Variants in GARIN5A observed in about 807,000 individuals in gnomAD.
GARIN5A encodes the protein golgi associated RAB2 interactor 5A.
chr19:50,472,376 G>T, the GARIN5A span, among the ~76,000 whole-genome samples: 1 of 152,028 alleles, frequency 6.6e-6, no homozygotes, highest in Admixed American at 6.6e-5. Flanking sequence ...CTGGAAGTTG[G>T]TTAGACAGAA....
chr19:50,467,691 C>G, the GARIN5A span: 2 of 1,592,250 alleles, frequency 1.3e-6, no homozygotes, highest in East Asian at 4.6e-5. Context: ...GCCGCACCCA[C>G]TGGCCGAACT....
chr19:50,475,891 T>C, the GARIN5A span: 2 of 1,614,040 alleles, frequency 1.2e-6, no homozygotes, highest in Admixed American at 1.7e-5. Flanking sequence ...TTCGCCGCTC[T>C]GGAGGTAGCG....
the GARIN5A span, among the ~76,000 whole-genome samples, chr19:50,473,935 C>A: frequency 6.6e-6 from 1 of 151,714 alleles, no homozygotes; most frequent in Non-Finnish European, 1.5e-5. Flanking sequence ...TGCAGTGAGC[C>A]GAGGTTGTGC....
At chr19:50,470,012 T>C in the GARIN5A span, among the ~76,000 whole-genome samples, 2 of 152,202 alleles carry the variant, frequency 1.3e-5, no homozygotes, top group Non-Finnish European at 2.9e-5. Context: ...TGCTCTCCTC[T>C]TATCCCTGTC....
chr19:50,472,266 TATATG>T, the GARIN5A span, among the ~76,000 whole-genome samples: 16,897 of 128,834 alleles, frequency 0.13, 2,492 homozygotes, highest in African/African-American at 0.4. Context: ...TATGTGTGTA[TATATG>T]TATATATACA....
At chr19:50,475,892 G>T in the GARIN5A span, 2 of 1,614,026 alleles carry the variant, frequency 1.2e-6, no homozygotes, top group Non-Finnish European at 1.7e-6. Context: ...TCGCCGCTCT[G>T]GAGGTAGCGT....
At chr19:50,469,488 C>T in the GARIN5A span, among the ~76,000 whole-genome samples, 1 of 152,200 alleles carries the variant, frequency 6.6e-6, no homozygotes, top group Non-Finnish European at 1.5e-5. Flanking sequence ...CAGGGAGTTC[C>T]TGGAGGCCTG....
At chr19:50,467,388 A>G in the GARIN5A span, among the ~76,000 whole-genome samples, 1 of 151,782 alleles carries the variant, frequency 6.6e-6, no homozygotes, top group Non-Finnish European at 1.5e-5. Context: ...CCAGGAGTCC[A>G]GGCCCCAGCC....
chr19:50,476,380 C>G, the GARIN5A span: 16 of 1,555,834 alleles, frequency 1.0e-5, no homozygotes, highest in African/African-American at 2.0e-4. Flanking sequence ...GCCAAAGGGG[C>G]GGCCCCATCC....
chr19:50,474,258 C>A, the GARIN5A span, among the ~76,000 whole-genome samples: 1 of 151,506 alleles, frequency 6.6e-6, no homozygotes, highest in African/African-American at 2.4e-5. Context: ...CGGCTCACTG[C>A]AACCTCCACC....
the GARIN5A span, chr19:50,476,533 GA>G: frequency 6.4e-7 from 1 of 1,570,500 alleles, no homozygotes; most frequent in Non-Finnish European, 8.6e-7. Context: ...TCGCTGGTGG[GA>G]AGAAGCCGAG....
chr19:50,467,411 G>A, the GARIN5A span: 2 of 594,272 alleles, frequency 3.4e-6, no homozygotes, highest in South Asian at 4.2e-5. Flanking sequence ...TCCTCCCTCA[G>A]ACCCAGGAGT....
chr19:50,467,792 C>T, the GARIN5A span: 11 of 1,612,870 alleles, frequency 6.8e-6, no homozygotes, highest in East Asian at 6.7e-5. Context: ...CGGCTTTTGT[C>T]GTGGACAAAG....
chr19:50,476,708 G>A, the GARIN5A span: 24 of 1,189,052 alleles, frequency 2.0e-5, no homozygotes, highest in Non-Finnish European at 2.7e-5. Flanking sequence ...GGATGTCGCA[G>A]GTCTTGGGTC....
At chr19:50,471,415 C>A in the GARIN5A span, among the ~76,000 whole-genome samples, 1 of 152,012 alleles carries the variant, frequency 6.6e-6, no homozygotes, top group African/African-American at 2.4e-5. Flanking sequence ...ACTACAGGCG[C>A]CCATCATCAT....
the GARIN5A span, among the ~76,000 whole-genome samples, chr19:50,471,364 G>T: frequency 6.6e-6 from 1 of 151,956 alleles, no homozygotes; most frequent in Non-Finnish European, 1.5e-5. Context: ...CGACTCCTGG[G>T]CTCAAATGAT....
At chr19:50,467,838 G>A in the GARIN5A span, 1 of 1,612,302 alleles carries the variant, frequency 6.2e-7, no homozygotes, top group Non-Finnish European at 8.5e-7. Flanking sequence ...GCCTGGGTGG[G>A]AGGAAGGGGC....
chr19:50,476,651 C>T, the GARIN5A span: 9 of 1,528,616 alleles, frequency 5.9e-6, no homozygotes, highest in East Asian at 2.2e-4. Flanking sequence ...GGGACTGGTG[C>T]GCGAGGGGTG....
the GARIN5A span, among the ~76,000 whole-genome samples, chr19:50,472,216 G>GTATGTATATATACATGTATGTGTA: frequency 3.1e-5 from 4 of 129,380 alleles, no homozygotes; most frequent in African/African-American, 1.3e-4. Flanking sequence ...ATACATGTGT[G>GTATGTATATATACATGTATGTGTA]TATGTATATA....
Sources: gnomAD v4.1 joint callset for allele counts (sites outside exome capture counted in the v4.1 genomes callset) on GRCh38, gnomAD v4.1.1 for gene constraint, MANE v1.5 for transcripts, NCBI Gene and HGNC (gene_info 2026-07-23, HGNC 2026-07-21) for gene names.